Variants in RABGAP1 observed in about 807,000 individuals in gnomAD.
RABGAP1 encodes the protein rab GTPase-activating protein 1.
RABGAP1 carries 23 observed loss-of-function variants against 137.6 expected under a neutral mutation model. The observed-to-expected ratio is 0.17, with a 90% CI of 0.12 to 0.24. RABGAP1 has a LOEUF of 0.24. RABGAP1 is among the 10% of genes least tolerant of loss of function. The pLI, the probability that RABGAP1 is intolerant of heterozygous loss-of-function variation, is 1.00. For missense variants in RABGAP1, 906 were observed against 1,275.8 expected, an observed-to-expected ratio of 0.71 and a Z score of 4.42; for synonymous variants, 451 against 450.7, an observed-to-expected ratio of 1.00 and a Z score of -0.01.
chr9:122,958,195 C>T (rs887091382), intron 2 of RABGAP1, among the ~76,000 whole-genome samples: 2 of 152,070 alleles, frequency 1.3e-5, no homozygotes, highest in Non-Finnish European at 2.9e-5. Context: ...AAAATAAAGA[C>T]ATTGTAGTCC....
intron 4 of RABGAP1, among the ~76,000 whole-genome samples, chr9:122,988,804 A>T (rs1216438191): frequency 6.6e-6 from 1 of 152,030 alleles, no homozygotes; most frequent in African/African-American, 2.4e-5. Context: ...TTAGCCGGGC[A>T]TGGTGGCACA....
intron 13 of RABGAP1, among the ~76,000 whole-genome samples, chr9:123,060,484 T>C (rs1216452409): frequency 6.6e-6 from 1 of 152,226 alleles, no homozygotes; most frequent in Non-Finnish European, 1.5e-5. Flanking sequence ...GGTTTCTAGT[T>C]GGGCTATTAC....
chr9:122,948,860 C>T (rs1297985316), intron 1 of RABGAP1, among the ~76,000 whole-genome samples: 1 of 152,158 alleles, frequency 6.6e-6, no homozygotes, highest in Non-Finnish European at 1.5e-5. Flanking sequence ...ATTACTTAGA[C>T]CCTACTAGTT....
chr9:123,029,830 A>G lies in RABGAP1; in HGVS notation c.1794+9371A>G, dbSNP rs1178485213. The G allele has an allele frequency of 2.4e-5, 10 of 408,266 alleles. No homozygotes were observed. The East Asian group carries it at 5.1e-4, about 21-fold the overall frequency. 25.3% of individuals were successfully genotyped at this position (408,266 alleles called of 1,614,324 possible). On this transcript the variant is annotated intron_variant, in intron 13 of 25. Coordinates refer to ENST00000373647, the MANE Select transcript of RABGAP1 (RefSeq NM_012197.4). ...ACAAAAAGTGAAGCTCATTTTTACC[A>G]AATAATAAGTGGTAGTTGACACTAA...
intron 13 of RABGAP1, among the ~76,000 whole-genome samples, chr9:123,032,170 A>T (rs1442346996): frequency 1.3e-5 from 2 of 152,232 alleles, no homozygotes; most frequent in African/African-American, 4.8e-5. Context: ...CTTTAGTTGT[A>T]GGAGCAGAAA....
At chr9:122,959,393 A>G (rs553351062) in intron 2 of RABGAP1, among the ~76,000 whole-genome samples, 238 of 151,548 alleles carry the variant, frequency 1.6e-3, no homozygotes, top group South Asian at 2.7e-3. Context: ...AAGAGTGGAA[A>G]TTTTGGAGAG....
intron 9 of RABGAP1, among the ~76,000 whole-genome samples, chr9:122,997,574 C>T (rs1410091079): frequency 1.1e-5 from 1 of 93,010 alleles, no homozygotes; most frequent in Non-Finnish European, 3.4e-5. Flanking sequence ...TTTTCCTTCC[C>T]CTCTTTCTTT....
upstream of RABGAP1, among the ~76,000 whole-genome samples, chr9:122,940,534 A>G (rs1833486670): frequency 1.3e-5 from 2 of 152,246 alleles, no homozygotes; most frequent in African/African-American, 4.8e-5. Context: ...AGATAGCCAC[A>G]TAAAGAACCA....
intron 21 of RABGAP1, among the ~76,000 whole-genome samples, chr9:123,095,307 T>C (rs1190716660): frequency 1.3e-5 from 2 of 152,022 alleles, no homozygotes; most frequent in Non-Finnish European, 2.9e-5. Context: ...TGATTTCTGC[T>C]TTTACTTTCT....
intron 13 of RABGAP1, among the ~76,000 whole-genome samples, chr9:123,058,160 A>G (rs559185987): frequency 1.4e-4 from 22 of 152,302 alleles, no homozygotes; most frequent in African/African-American, 5.1e-4. Context: ...GTTCTACTTT[A>G]CAACCTTGTT....
At chr9:122,979,232 A>G (rs1203521984) in intron 2 of RABGAP1, among the ~76,000 whole-genome samples, 2 of 152,118 alleles carry the variant, frequency 1.3e-5, no homozygotes, top group African/African-American at 4.8e-5. Flanking sequence ...GAGGCATCCT[A>G]TTATAATTTC....
intron 12 of RABGAP1, 35 bp from the exon 13 acceptor site, chr9:123,020,274 C>T (rs757013750): frequency 4.5e-5 from 64 of 1,420,280 alleles, no homozygotes; most frequent in Non-Finnish European, 5.5e-5. Context: ...TCTTATCTTC[C>T]TTTTATGATT....
chr9:123,098,166 C>G (rs1158999785), intron 22 of RABGAP1, among the ~76,000 whole-genome samples: 1 of 152,224 alleles, frequency 6.6e-6, no homozygotes, highest in Non-Finnish European at 1.5e-5. Flanking sequence ...CCTACTTGTC[C>G]TCTGCTGTCT....
chr9:122,965,699 G>A (rs2131661763), intron 2 of RABGAP1, among the ~76,000 whole-genome samples: 1 of 152,120 alleles, frequency 6.6e-6, no homozygotes, highest in East Asian at 1.9e-4. Flanking sequence ...CACTTTTTGA[G>A]GTAATGAATT....
At position 122,986,210 on chromosome 9, in the gene RABGAP1, T is replaced by G; in HGVS notation, c.386-5T>G. The G allele has an allele frequency of 6.2e-7, 1 of 1,612,012 alleles. No homozygotes were observed. Among genetic ancestry groups the G allele is most frequent in the Admixed American group, 1.7e-5 (1 of 59,874 alleles). On this transcript the variant is annotated splice_region_variant and splice_polypyrimidine_tract_variant and intron_variant, in intron 3 of 25. Transcript: ENST00000373647. ...AATCACTTCCTTATTCATTGTTTCT[T>G]TCAGATTCTGAAGCTTCAAGTCCTT...
At chr9:122,934,168 C>T in the RABGAP1 span, among the ~76,000 whole-genome samples, 34 of 151,568 alleles carry the variant, frequency 2.2e-4, no homozygotes, top group Middle Eastern at 3.4e-3. Flanking sequence ...AGCTCCGCCT[C>T]CCGGGTTCAC....
At chr9:122,996,503 T>G (rs377441702) in intron 7 of RABGAP1, 36 bp from the exon 8 acceptor site, 72 of 1,555,890 alleles carry the variant, frequency 4.6e-5, no homozygotes, top group Non-Finnish European at 6.1e-5. Flanking sequence ...TTGTGTTATC[T>G]TTTTTCTTAA....
chr9:123,033,912 C>T (rs1477330997), intron 13 of RABGAP1, among the ~76,000 whole-genome samples: 7 of 152,126 alleles, frequency 4.6e-5, no homozygotes, highest in South Asian at 2.1e-4. Flanking sequence ...TTTTCTCCCC[C>T]GTCTCAAATG....
At chr9:123,056,481 C>CTTT (rs530004900) in intron 13 of RABGAP1, among the ~76,000 whole-genome samples, 1 of 131,848 alleles carries the variant, frequency 7.6e-6, no homozygotes, top group African/African-American at 2.8e-5. Flanking sequence ...TTTCTTTTTT[C>CTTT]TTTTTTTTTT....
Sources: gnomAD v4.1 joint callset for allele counts (sites outside exome capture counted in the v4.1 genomes callset) on GRCh38, gnomAD v4.1.1 for gene constraint, MANE v1.5 for transcripts, NCBI Gene and HGNC (gene_info 2026-07-23, HGNC 2026-07-21) for gene names.